Variants in ANKS6 observed in about 807,000 individuals in gnomAD.
ANKS6 encodes the protein ankyrin repeat and SAM domain-containing protein 6.
ANKS6 carries 47 observed loss-of-function variants against 77.9 expected under a neutral mutation model. That is an observed-to-expected ratio of 0.60 (90% CI 0.48 to 0.77). The LOEUF is 0.77. ANKS6 is among the 30% of genes least tolerant of loss of function. The probability of loss-of-function intolerance (pLI) is 0.00; values close to 1 mark genes in which losing one functional copy is unlikely to be tolerated. For missense variants in ANKS6, 1,150 were observed against 1,159.1 expected, an observed-to-expected ratio of 0.99 and a Z score of 0.11; for synonymous variants, 488 against 501.7, an observed-to-expected ratio of 0.97 and a Z score of 0.37.
At chr9:98,777,258 G>C (rs879112069) in intron 8 of ANKS6, 147 bp downstream of exon 8, 37 of 850,034 alleles carry the variant, frequency 4.4e-5, no homozygotes, top group African/African-American at 4.1e-4. Flanking sequence ...CTCAGTGCCA[G>C]AGCTAAGCCC....
At chr9:98,775,744 GAT>G (rs2118066415) in intron 8 of ANKS6, among the ~76,000 whole-genome samples, 1 of 152,256 alleles carries the variant, frequency 6.6e-6, no homozygotes, top group Non-Finnish European at 1.5e-5. Flanking sequence ...TGTGATCAGG[GAT>G]GAATTTATTT....
In ANKS6 at chr9:98,796,288, C is replaced by T; in HGVS notation, c.204G>A (p.Pro68=). The change falls in exon 1 of 15, where the codon CCG becomes CCA. Residue 68 remains proline (P), a synonymous_variant. Transcript: ENST00000353234. ...GAAAAGAVGA[P]VPVDCSDEAG... ...CCTCGTCCGAGCAATCCACGGGCAC[C>T]GGAGCCCCGACTGCCCCCGCCGCTG... 2.3e-6 allele frequency: 3 copies of T among 1,296,814 alleles called. No homozygotes were observed. Among genetic ancestry groups the T allele is most frequent in the Non-Finnish European group, 2.9e-6 (3 of 1,019,284 alleles). 80.3% of individuals were successfully genotyped at this position (1,296,814 alleles called of 1,614,324 possible).
At position 98,758,318 on chromosome 9, in the gene ANKS6, ATCTT is replaced by A. The variant is rs1409793819; in HGVS notation, c.2143-1719_2143-1716del. ...CTCCTGTACCCTTTTGACATGCGCC[ATCTT>A]TCTTTTTTTTTTTTTTTGTCTTTCT... On this transcript the variant is annotated intron_variant, in intron 11 of 14. Coordinates refer to ENST00000353234, the MANE Select transcript of ANKS6 (RefSeq NM_173551.5). Among the ~76,000 whole-genome samples the A allele has an allele frequency of 6.9e-5, 7 of 101,764 alleles. No homozygotes were observed. In the East Asian group the frequency reaches 2.9e-3, roughly 42 times the overall value. The allele number at this position is 101,764 out of a possible 152,430, so 66.8% of individuals were successfully genotyped here.
chr9:98,760,154 G>A (rs145342758), intron 11 of ANKS6, among the ~76,000 whole-genome samples: 83 of 152,144 alleles, frequency 5.5e-4, no homozygotes, highest in Non-Finnish European at 9.1e-4. Context: ...CCATGCATAG[G>A]GCAAGGCACG....
At chr9:98,755,650 G>T (rs939551734) in intron 12 of ANKS6, among the ~76,000 whole-genome samples, 1 of 152,092 alleles carries the variant, frequency 6.6e-6, no homozygotes, top group Non-Finnish European at 1.5e-5. Context: ...ATTTTCCTTT[G>T]AGGAACTATT....
intron 4 of ANKS6, 90 bp from the exon 5 acceptor site, chr9:98,782,663 GTC>G: frequency 3.0e-6 from 3 of 1,015,670 alleles, no homozygotes; most frequent in Non-Finnish European, 4.6e-6. Context: ...ACAAAGCTCA[GTC>G]TCTGAGCATT....
chr9:98,773,209 G>A (rs999711284), intron 9 of ANKS6, among the ~76,000 whole-genome samples: 17 of 152,188 alleles, frequency 1.1e-4, no homozygotes, highest in South Asian at 2.1e-4. Context: ...CATAGCCCTA[G>A]GAGGCAGCAG....
intron 11 of ANKS6, among the ~76,000 whole-genome samples, chr9:98,761,694 T>A (rs905240631): frequency 6.6e-6 from 1 of 152,212 alleles, no homozygotes; most frequent in East Asian, 1.9e-4. Flanking sequence ...CTCCACTGAA[T>A]TGCCTTTGTA....
chr9:98,743,824 GC>G (rs1831972229), intron 14 of ANKS6, among the ~76,000 whole-genome samples: 1 of 152,236 alleles, frequency 6.6e-6, no homozygotes, highest in Admixed American at 6.5e-5. Context: ...CCCGCATGGT[GC>G]CTGAGACATA....
In ANKS6 at chr9:98,791,589, G is replaced by T. The variant is rs75963183; in HGVS notation, c.360-983C>A. Among the ~76,000 whole-genome samples the T allele has an allele frequency of 9.3e-4, 142 of 152,254 alleles. No individual in the cohort carries two copies. The highest frequency in any genetic ancestry group is 3.4e-3 in the African/African-American group (141 of 41,536). ...AGCTGTGTATCTCCAAGCTGGAAGC[G>T]GCCCTGGACTAACAAGAAAACAATG... On this transcript the variant is annotated intron_variant, in intron 1 of 14. Transcript: ENST00000353234. The surrounding 1 kb of genome is among the most constrained non-coding windows in gnomAD (Gnocchi z 4.3).
intron 7 of ANKS6, 129 bp downstream of exon 7, chr9:98,778,097 C>G (rs1476475470): frequency 1.4e-5 from 15 of 1,099,476 alleles, no homozygotes; most frequent in Non-Finnish European, 1.9e-5. Flanking sequence ...CCAGACCAGC[C>G]TCTATGCTCC....
intron 13 of ANKS6, among the ~76,000 whole-genome samples, chr9:98,749,185 G>A (rs1265143111): frequency 6.6e-6 from 1 of 152,136 alleles, no homozygotes; most frequent in Non-Finnish European, 1.5e-5. Flanking sequence ...CCCTGAGCTT[G>A]GCCCCCAGCA....
Position 98,734,020 on chromosome 9 carries a change from C to G in ANKS6, c.*2499G>C. On this transcript the variant is annotated 3_prime_UTR_variant, in exon 15 of 15. Transcript: ENST00000353234. ...GACCAAAAATCAGAAAAACAAGCAC[C>G]CAACTGACCCCTCCTCCCTGACGAT... 1 of 985,240 alleles carries G rather than the reference C, an allele frequency of 1.0e-6. No homozygotes were observed. Among genetic ancestry groups the G allele is most frequent in the Non-Finnish European group, 1.2e-6 (1 of 829,914 alleles). 61.0% of individuals were successfully genotyped at this position (985,240 alleles called of 1,614,324 possible). A position where few individuals can be genotyped will look rare whatever the true frequency, so the allele number is the denominator to read the frequency against.
At chr9:98,746,881 C>T (rs891496314) in intron 13 of ANKS6, among the ~76,000 whole-genome samples, 2 of 152,224 alleles carry the variant, frequency 1.3e-5, no homozygotes, top group South Asian at 2.1e-4. Flanking sequence ...CCAACAACAG[C>T]GCTTATCTGG....
At chr9:98,740,735 T>C (rs1335909357) in intron 14 of ANKS6, among the ~76,000 whole-genome samples, 3 of 152,080 alleles carry the variant, frequency 2.0e-5, no homozygotes, top group Non-Finnish European at 4.4e-5. Flanking sequence ...ATGATAACAA[T>C]AATTGCCCTT....
intron 12 of ANKS6, among the ~76,000 whole-genome samples, chr9:98,753,736 C>T (rs1193809993): frequency 6.6e-6 from 1 of 152,010 alleles, no homozygotes; most frequent in Non-Finnish European, 1.5e-5. Context: ...TGAAGCTGAG[C>T]AGAGATGCGC....
At chr9:98,771,547 C>T (rs1588381485) in intron 9 of ANKS6, among the ~76,000 whole-genome samples, 2 of 152,202 alleles carry the variant, frequency 1.3e-5, no homozygotes, top group South Asian at 4.1e-4. Flanking sequence ...TGCCAGTGCT[C>T]CTGGTCACGT....
intron 3 of ANKS6, 39 bp downstream of exon 3, chr9:98,784,793 T>C: frequency 3.8e-6 from 6 of 1,565,956 alleles, no homozygotes; most frequent in Non-Finnish European, 5.3e-6. Context: ...TGTAGCCCTA[T>C]ATTCTTAAAT....
At chr9:98,748,644 T>C (rs188556847) in intron 13 of ANKS6, among the ~76,000 whole-genome samples, 1 of 152,300 alleles carries the variant, frequency 6.6e-6, no homozygotes, top group Non-Finnish European at 1.5e-5. Flanking sequence ...AGTAGCCATA[T>C]TGGACTTTGA....
Sources: allele counts gnomAD v4.1 joint callset (sites outside exome capture counted in the v4.1 genomes callset), GRCh38; gene constraint gnomAD v4.1.1; non-coding constraint Gnocchi (gnomAD v3.1); transcripts MANE v1.5; gene names NCBI Gene and HGNC (gene_info 2026-07-23, HGNC 2026-07-21).